The following GALNT16 variants were observed in gnomAD, a reference collection of about 807,000 sequenced individuals.
GALNT16 encodes the protein polypeptide N-acetylgalactosaminyltransferase 16, also known as UDP-GalNAc:polypeptide N-acetylgalactosaminyltransferase-like protein 1.
GALNT16 carries 40 observed loss-of-function variants against 76.1 expected under a neutral mutation model. That is an observed-to-expected ratio of 0.53 (90% CI 0.41 to 0.68). The LOEUF (loss-of-function observed/expected upper bound fraction) is 0.68, where lower values mean the gene tolerates loss of function less well. Ranked by LOEUF, GALNT16 falls within the 30% of genes least tolerant of loss-of-function variation. The pLI is 0.00. For missense variants in GALNT16, 621 were observed against 731.9 expected (o/e 0.85, Z 1.75); for synonymous variants, 276 against 285.2 (o/e 0.97, Z 0.32).
the GALNT16 span, among the ~76,000 whole-genome samples, chr14:69,385,153 A>G: frequency 6.6e-6 from 1 of 152,124 alleles, no homozygotes; most frequent in Non-Finnish European, 1.5e-5. Flanking sequence ...TATGCCCTCA[A>G]CCTTTAGCAA....
downstream of GALNT16, chr14:69,356,554 C>CTTTGTTTTT (rs2045694502): frequency 8.5e-6 from 1 of 117,330 alleles, no homozygotes. Context: ...GCTGTGAGCT[C>CTTTGTTTTT]TTTTTTTTTT....
intron 1 of GALNT16, among the ~76,000 whole-genome samples, chr14:69,312,054 A>AAATCT (rs1361275904): frequency 1.6e-5 from 2 of 125,718 alleles, no homozygotes; most frequent in African/African-American, 3.0e-5. Flanking sequence ...AAAAAAAAAA[A>AAATCT]ATCTGTCTAT....
chr14:69,315,033 G>A (rs1370797879), intron 1 of GALNT16, among the ~76,000 whole-genome samples: 2 of 152,178 alleles, frequency 1.3e-5, no homozygotes, highest in African/African-American at 2.4e-5. Context: ...AGTTTACAAG[G>A]CTTGGAGATT....
intron 1 of GALNT16, among the ~76,000 whole-genome samples, chr14:69,317,085 AC>A (rs1309089749): frequency 6.6e-6 from 1 of 151,296 alleles, no homozygotes; most frequent in Non-Finnish European, 1.5e-5. Context: ...TACTTTCACT[AC>A]CCCCTCCAGA....
At position 69,260,199 on chromosome 14, in the gene GALNT16, C is replaced by G. The variant is rs1436637138; in HGVS notation, c.-92C>G. 1 of 779,184 alleles carries G rather than the reference C, an allele frequency of 1.3e-6. No homozygotes were observed. Among genetic ancestry groups the G allele is most frequent in the Non-Finnish European group, 2.0e-6 (1 of 497,852 alleles). 48.3% of individuals were successfully genotyped at this position (779,184 alleles called of 1,614,324 possible). A position where few individuals can be genotyped will look rare whatever the true frequency, so the allele number is the denominator to read the frequency against. On this transcript the variant is annotated 5_prime_UTR_variant, in exon 1 of 15. Transcript: ENST00000448469. ...GCAGGACTGAGCAGCTAGGCGCGAG[C>G]GAAAACAAACAGCTGGGGCTGCGAG...
chr14:69,321,056 C>T (rs1052279028), intron 2 of GALNT16, among the ~76,000 whole-genome samples, 188 bp downstream of exon 2: 4 of 152,248 alleles, frequency 2.6e-5, no homozygotes, highest in Non-Finnish European at 5.9e-5. Flanking sequence ...CCTGCCAAGA[C>T]CAAGGAAACC....
intron 1 of GALNT16, among the ~76,000 whole-genome samples, chr14:69,283,840 A>G (rs2044575526): frequency 6.6e-6 from 1 of 152,104 alleles, no homozygotes; most frequent in African/African-American, 2.4e-5. Flanking sequence ...TCATGTATTC[A>G]TTCATTTAAG....
chr14:69,344,826 G>C (rs2045540741), intron 12 of GALNT16, among the ~76,000 whole-genome samples: 1 of 152,208 alleles, frequency 6.6e-6, no homozygotes, highest in African/African-American at 2.4e-5. Context: ...AGAGGCCTCA[G>C]TACCCATCTT....
the GALNT16 span, among the ~76,000 whole-genome samples, chr14:69,377,804 C>CAAAAAAAAAAAAAAAAAAAAA: frequency 2.7e-5 from 1 of 37,478 alleles, no homozygotes; most frequent in East Asian, 1.2e-3. Flanking sequence ...GAGACTGTCT[C>CAAAAAAAAAAAAAAAAAAAAA]AAAAAAAAAA....
chr14:69,260,227 C>A lies in GALNT16; in HGVS notation c.-64C>A. 1.5e-6 allele frequency: 2 copies of A among 1,376,114 alleles called. No individual in the cohort carries two copies. The highest frequency in any genetic ancestry group is 2.4e-5 in the East Asian group (1 of 41,092). 85.2% of individuals were successfully genotyped at this position (1,376,114 alleles called of 1,614,324 possible). A position where few individuals can be genotyped will look rare whatever the true frequency, so the allele number is the denominator to read the frequency against. ...AAACAAACAGCTGGGGCTGCGAGCG[C>A]CCCCGCCCCGGCCCCGAGAGCACGC... is the stretch of plus-strand genomic sequence containing the variant. On this transcript the variant is annotated 5_prime_UTR_variant, in exon 1 of 15. Coordinates refer to ENST00000448469, the MANE Select transcript of GALNT16 (RefSeq NM_001168368.2).
At chr14:69,263,143 G>C (rs1298009589) in intron 1 of GALNT16, among the ~76,000 whole-genome samples, 1 of 152,146 alleles carries the variant, frequency 6.6e-6, no homozygotes, top group Admixed American at 6.5e-5. Context: ...GCCTCCTAAA[G>C]TGCACAGCAA....
intron 1 of GALNT16, among the ~76,000 whole-genome samples, chr14:69,271,867 A>G (rs535220591): frequency 2.5e-4 from 38 of 152,360 alleles, no homozygotes; most frequent in African/African-American, 8.9e-4. Flanking sequence ...TAGAAAAAGA[A>G]CTAAAATACC....
chr14:69,318,801 G>A (rs541549433), intron 1 of GALNT16, among the ~76,000 whole-genome samples: 2 of 152,352 alleles, frequency 1.3e-5, no homozygotes, highest in South Asian at 2.1e-4. Flanking sequence ...ATCAACTGGA[G>A]GCTCCGTTCC....
intron 5 of GALNT16, 30 bp downstream of exon 5, chr14:69,326,057 G>A (rs749161352): frequency 6.4e-6 from 10 of 1,574,054 alleles, no homozygotes; most frequent in East Asian, 4.5e-5. Context: ...GTCCCACCAA[G>A]GGCCCATCTT....
At chr14:69,295,718 TC>T (rs2044751339) in intron 1 of GALNT16, among the ~76,000 whole-genome samples, 1 of 152,020 alleles carries the variant, frequency 6.6e-6, no homozygotes, top group African/African-American at 2.4e-5. Flanking sequence ...AGACTCCATC[TC>T]AAAAAAAATT....
intron 14 of GALNT16, 61 bp downstream of exon 14, chr14:69,348,063 G>T (rs773758773): frequency 6.4e-7 from 1 of 1,560,538 alleles, no homozygotes; most frequent in Admixed American, 1.7e-5. Flanking sequence ...CCTCAGGGTG[G>T]CAGACCTTGG....
chr14:69,354,683 CCTA>C (rs1047008222), downstream of GALNT16: 6 of 152,496 alleles, frequency 3.9e-5, no homozygotes, highest in African/African-American at 1.4e-4. Flanking sequence ...AACAGGTGGC[CCTA>C]CTGCAAGGGC....
At chr14:69,283,211 G>A (rs1339056723) in intron 1 of GALNT16, among the ~76,000 whole-genome samples, 1 of 152,146 alleles carries the variant, frequency 6.6e-6, no homozygotes, top group Non-Finnish European at 1.5e-5. Context: ...AAGACACTAT[G>A]GACACATTAG....
At chr14:69,324,479 C>T (rs995616304) in intron 2 of GALNT16, among the ~76,000 whole-genome samples, 2 of 152,098 alleles carry the variant, frequency 1.3e-5, no homozygotes, top group Admixed American at 6.5e-5. Flanking sequence ...CCTGCTGCTT[C>T]CCTCCCAGGA....
Sources: allele counts gnomAD v4.1 joint callset (sites outside exome capture counted in the v4.1 genomes callset), GRCh38; gene constraint gnomAD v4.1.1; transcripts MANE v1.5; gene names NCBI Gene and HGNC (gene_info 2026-07-23, HGNC 2026-07-21).